MAP3K2: variants seen among roughly 807,000 people sequenced by gnomAD.
The protein encoded by MAP3K2 is mitogen-activated protein kinase kinase kinase 2.
MAP3K2 carries 24 observed loss-of-function variants against 80.3 expected under a neutral mutation model. The ratio of observed to expected loss-of-function variants is 0.30; its 90% CI spans 0.22 to 0.42. The LOEUF (loss-of-function observed/expected upper bound fraction) is 0.42. Ranked by LOEUF, MAP3K2 falls within the 10% of genes least tolerant of loss-of-function variation. The probability of loss-of-function intolerance (pLI) is 1.00; values close to 1 mark genes in which losing one functional copy is unlikely to be tolerated. For synonymous variants in MAP3K2, 244 were observed against 253.7 expected, an observed-to-expected ratio of 0.96 and a Z score of 0.36; for missense variants, 608 against 750.1, an observed-to-expected ratio of 0.81 and a Z score of 2.21.
intron 7 of MAP3K2, among the ~76,000 whole-genome samples, chr2:127,328,351 TAAAG>T (rs938802678): frequency 3.9e-5 from 6 of 152,212 alleles, no homozygotes; most frequent in African/African-American, 7.2e-5. Context: ...GAAATGGGGA[TAAAG>T]AAAGAAATGT....
rs147183919 is a variant in MAP3K2, at chr2:127,345,551, C to T, written c.-65-2357G>A. On this transcript the variant is annotated intron_variant, in intron 1 of 16. Transcript: ENST00000682094. The stretch of plus-strand genomic sequence containing the variant: ...GCTTAACAAACACCTACAGAATAAT[C>T]AACCTCAAAACAGCAGAATATACAC... Among the ~76,000 whole-genome samples the T allele has an allele frequency of 2.0e-3, 304 of 152,282 alleles. 2 individuals carry two copies. The highest frequency in any genetic ancestry group is 7.1e-3 in the African/African-American group (296 of 41,564).
At chr2:127,350,755 A>T (rs963854610) in intron 1 of MAP3K2, among the ~76,000 whole-genome samples, 1 of 151,932 alleles carries the variant, frequency 6.6e-6, no homozygotes, top group Non-Finnish European at 1.5e-5. Context: ...TTTTCAAAGG[A>T]AAAAAAAGTA....
chr2:127,359,269 G>GTTAA (rs945308766), intron 1 of MAP3K2, among the ~76,000 whole-genome samples: 4 of 152,146 alleles, frequency 2.6e-5, no homozygotes, highest in African/African-American at 9.7e-5. Context: ...AACGCAAGAT[G>GTTAA]TTAATAACAG....
intron 14 of MAP3K2, among the ~76,000 whole-genome samples, chr2:127,315,982 G>A (rs922843930): frequency 1.3e-5 from 2 of 152,168 alleles, no homozygotes; most frequent in Non-Finnish European, 2.9e-5. Flanking sequence ...GGCTGAGGCA[G>A]GAGAATTGAT....
At position 127,322,408 on chromosome 2, in the gene MAP3K2, T is replaced by C. The variant is rs1300300634; in HGVS notation, c.839-156A>G. Among the ~76,000 whole-genome samples the C allele has an allele frequency of 2.0e-5, 3 of 152,196 alleles. No individual in the cohort carries two copies. The highest frequency in any genetic ancestry group is 7.2e-5 in the African/African-American group (3 of 41,464). Reference sequence around the variant, plus strand: ...TGGGTGGGAAAAAATAAACAGGATCTGAATACAAATTCAAATAATCTCTTA... The same window carrying C: ...TGGGTGGGAAAAAATAAACAGGATCCGAATACAAATTCAAATAATCTCTTA... On this transcript the variant is annotated intron_variant, in intron 11 of 16. Coordinates refer to ENST00000682094, the MANE Select transcript of MAP3K2 (RefSeq NM_001371910.2). The surrounding 1 kb of genome is among the most constrained non-coding windows in gnomAD (Gnocchi z 4.2).
At chr2:127,327,376 CAT>C (rs774278245) in intron 7 of MAP3K2, among the ~76,000 whole-genome samples, 5 of 152,122 alleles carry the variant, frequency 3.3e-5, no homozygotes, top group African/African-American at 4.8e-5. Context: ...ATTACCAAGA[CAT>C]GTGCATAAAA....
At chr2:127,333,057 G>A (rs1379514170) in intron 5 of MAP3K2, among the ~76,000 whole-genome samples, 2 of 151,674 alleles carry the variant, frequency 1.3e-5, no homozygotes, top group Non-Finnish European at 2.9e-5. Context: ...GATTGAGCCA[G>A]GGAGGTCAAG....
chr2:127,349,206 G>A (rs1304933718), intron 1 of MAP3K2, among the ~76,000 whole-genome samples: 1 of 151,812 alleles, frequency 6.6e-6, no homozygotes, highest in Non-Finnish European at 1.5e-5. Flanking sequence ...TGTTGCCCAG[G>A]TTAGAGTGCA....
chr2:127,369,040 C>G (rs941383281), intron 1 of MAP3K2, among the ~76,000 whole-genome samples: 1 of 151,932 alleles, frequency 6.6e-6, no homozygotes, highest in South Asian at 2.1e-4. Flanking sequence ...CTCCGACTCC[C>G]TGGTTCATGC....
chr2:127,349,439 T>TA (rs1686654959), intron 1 of MAP3K2, among the ~76,000 whole-genome samples: 1 of 152,164 alleles, frequency 6.6e-6, no homozygotes, highest in Non-Finnish European at 1.5e-5. Flanking sequence ...GTGTTGGGAT[T>TA]ACAGGCCATC....
chr2:127,370,590 T>C (rs751871923), intron 1 of MAP3K2, among the ~76,000 whole-genome samples: 48 of 152,196 alleles, frequency 3.2e-4, no homozygotes, highest in Admixed American at 9.2e-4. Flanking sequence ...TAGTGGAGCC[T>C]GGGTTTCACA....
intron 1 of MAP3K2, among the ~76,000 whole-genome samples, chr2:127,354,069 C>T (rs1686754568): frequency 6.6e-6 from 1 of 151,736 alleles, no homozygotes; most frequent in Admixed American, 6.6e-5. Flanking sequence ...GTCATCACCA[C>T]TCCCTAATCT....
intron 14 of MAP3K2, 47 bp from the exon 15 acceptor site, chr2:127,314,930 A>C (rs1298015047): frequency 1.5e-6 from 2 of 1,364,392 alleles, no homozygotes; most frequent in Non-Finnish European, 2.0e-6. Flanking sequence ...TATGGTTTGA[A>C]ATGAAAACTG....
intron 15 of MAP3K2, among the ~76,000 whole-genome samples, chr2:127,311,310 G>A (rs1352989990): frequency 1.3e-5 from 2 of 152,188 alleles, no homozygotes; most frequent in Non-Finnish European, 2.9e-5. Flanking sequence ...TACTTAACCA[G>A]TGGAAGGACA....
chr2:127,382,219 A>G (rs1446014951), intron 1 of MAP3K2, among the ~76,000 whole-genome samples: 3 of 152,198 alleles, frequency 2.0e-5, no homozygotes, highest in African/African-American at 7.2e-5. Flanking sequence ...AGTAACAATA[A>G]TGGTATTTTG....
Position 127,321,917 on chromosome 2 carries a change from C to T in MAP3K2, c.1045+129G>A, listed in dbSNP as rs1243476288. 4.1e-6 allele frequency: 3 copies of T among 730,722 alleles called. No individual in the cohort carries two copies. Among genetic ancestry groups the T allele is most frequent in the Non-Finnish European group, 6.9e-6 (3 of 432,624 alleles). 45.3% of individuals were successfully genotyped at this position (730,722 alleles called of 1,614,324 possible). On this transcript the variant is annotated intron_variant, in intron 12 of 16. Transcript: ENST00000682094. This position sits in a 1 kb window ranked among gnomAD's most constrained non-coding sequence, Gnocchi z 4.4. ...CTGACATTCCAACCACCTTTAGAAA[C>T]ACCATTATTACCTTTTTTGAGTAGT... is the stretch of plus-strand genomic sequence containing the variant.
At chr2:127,362,932 C>T (rs1439731182) in intron 1 of MAP3K2, among the ~76,000 whole-genome samples, 3 of 152,094 alleles carry the variant, frequency 2.0e-5, no homozygotes, top group African/African-American at 4.8e-5. Flanking sequence ...CTGCACATTC[C>T]GCATGTGTGG....
intron 1 of MAP3K2, among the ~76,000 whole-genome samples, chr2:127,370,771 C>A (rs1475629537): frequency 6.6e-6 from 1 of 152,118 alleles, no homozygotes; most frequent in African/African-American, 2.4e-5. Flanking sequence ...TTAGTTAGGG[C>A]AGCTCTGGCC....
chr2:127,346,298 G>T (rs1005716968), intron 1 of MAP3K2, among the ~76,000 whole-genome samples: 1 of 148,484 alleles, frequency 6.7e-6, no homozygotes, highest in Non-Finnish European at 1.5e-5. Flanking sequence ...TTAAGAATTT[G>T]AACAGACCTA....
Sources: allele counts gnomAD v4.1 joint callset (sites outside exome capture counted in the v4.1 genomes callset), GRCh38; gene constraint gnomAD v4.1.1; non-coding constraint Gnocchi (gnomAD v3.1); transcripts MANE v1.5; gene names NCBI Gene and HGNC (gene_info 2026-07-23, HGNC 2026-07-21).